Variants in LPP observed in about 807,000 individuals in gnomAD.
LPP encodes lipoma-preferred partner.
A neutral mutation model predicts 60.4 loss-of-function variants in LPP; 38 were observed. The observed-to-expected ratio is 0.63, with a 90% CI of 0.49 to 0.83. The LOEUF is 0.83. LPP is among the 40% of genes least tolerant of loss of function. The pLI, the probability that LPP is intolerant of heterozygous loss-of-function variation, is 0.00. For missense variants in LPP, 902 were observed against 783.6 expected, an observed-to-expected ratio of 1.15 and a Z score of -1.80; for synonymous variants, 328 against 290.8, an observed-to-expected ratio of 1.13 and a Z score of -1.30.
chr3:188,567,135 A>G (rs757943485), intron 6 of LPP, among the ~76,000 whole-genome samples: 6 of 151,930 alleles, frequency 3.9e-5, no homozygotes, highest in Non-Finnish European at 8.8e-5. Context: ...TGTATGATTT[A>G]GAGAAACAAA....
At chr3:188,681,230 G>A (rs565331605) in intron 7 of LPP, among the ~76,000 whole-genome samples, 12 of 152,198 alleles carry the variant, frequency 7.9e-5, no homozygotes, top group East Asian at 5.8e-4. Context: ...TCTTGACCTC[G>A]TGATCCACCC....
intron 6 of LPP, among the ~76,000 whole-genome samples, chr3:188,578,139 T>C (rs1399482180): frequency 2.6e-5 from 4 of 152,144 alleles, no homozygotes; most frequent in Admixed American, 1.3e-4. Flanking sequence ...CCTTGCCTAC[T>C]ACCCTGAAGA....
At chr3:188,857,270 T>C (rs1343435663) in intron 9 of LPP, among the ~76,000 whole-genome samples, 1 of 152,240 alleles carries the variant, frequency 6.6e-6, no homozygotes, top group Non-Finnish European at 1.5e-5. Context: ...ATCTGCATGC[T>C]AAAGATTATT....
At position 188,609,745 on chromosome 3, in the gene LPP, G is replaced by A. The variant is rs1293778043; in HGVS notation, c.1014G>A (p.Gly338=). The A allele has an allele frequency of 6.2e-7, 1 of 1,614,096 alleles. No individual in the cohort carries two copies. Among genetic ancestry groups the A allele is most frequent in the African/African-American group, 1.3e-5 (1 of 75,020 alleles). The change falls in exon 7 of 12, where the codon GGG becomes GGA. Residue 338 remains glycine, a synonymous_variant. Coordinates refer to ENST00000617246, the MANE Select transcript of LPP (RefSeq NM_001375462.1). The surrounding 1 kb of genome is among the most constrained non-coding windows in gnomAD (Gnocchi z 6.9). ...REPGYTPPGA[G]NQNPPGMYPV... is the part of the protein sequence containing the mutation. ...CAGGGTACACTCCTCCTGGAGCAGGGAACCAGAACCCTCCTGGGATGTATC... is the reference window on the plus strand; with the variant it reads ...CAGGGTACACTCCTCCTGGAGCAGGAAACCAGAACCCTCCTGGGATGTATC...
intron 2 of LPP, among the ~76,000 whole-genome samples, chr3:188,256,176 A>G (rs1731603781): frequency 6.6e-6 from 1 of 152,198 alleles, no homozygotes; most frequent in Non-Finnish European, 1.5e-5. Context: ...CTAATAATGT[A>G]TGGGTTAAAT....
chr3:188,435,503 T>C (rs932846898), intron 4 of LPP, among the ~76,000 whole-genome samples: 2 of 152,180 alleles, frequency 1.3e-5, no homozygotes, highest in Non-Finnish European at 1.5e-5. Context: ...TATAATTTGT[T>C]TCTCTGTTGG....
At chr3:188,375,751 T>C (rs1240428293) in intron 3 of LPP, among the ~76,000 whole-genome samples, 1 of 152,190 alleles carries the variant, frequency 6.6e-6, no homozygotes, top group Non-Finnish European at 1.5e-5. Flanking sequence ...CTGCTAGCTT[T>C]TGAATGTGTT....
chr3:188,866,177 G>T (rs200948867), intron 9 of LPP, 23 bp from the exon 10 acceptor site: 14 of 1,446,398 alleles, frequency 9.7e-6, no homozygotes, highest in Non-Finnish European at 1.1e-5. Context: ...CCAGTCTGAC[G>T]TGGTTTCTGT....
At position 188,572,184 on chromosome 3, in the gene LPP, TTTTGC is replaced by T. The variant is rs1260524485; in HGVS notation, c.430-36973_430-36969del. ...AATGCTTTCATTTGTTGCACTTATA[TTTTGC>T]TTTTTATGTATGTAGAGGGGTGACA... On this transcript the variant is annotated intron_variant, in intron 6 of 11. Transcript: ENST00000617246. The surrounding 1 kb of genome is among the most constrained non-coding windows in gnomAD (Gnocchi z 4.1). Among the ~76,000 whole-genome samples the T allele has an allele frequency of 2.6e-5, 4 of 152,090 alleles. No homozygotes were observed. In the East Asian group the frequency reaches 7.7e-4, roughly 29 times the overall value.
intron 9 of LPP, among the ~76,000 whole-genome samples, chr3:188,815,054 G>A (rs1374953271): frequency 2.0e-5 from 3 of 152,296 alleles, no homozygotes; most frequent in South Asian, 2.1e-4. Flanking sequence ...CACAATAAAA[G>A]CTTAATAAAT....
At chr3:188,668,495 AG>A (rs1856276478) in intron 7 of LPP, among the ~76,000 whole-genome samples, 1 of 152,192 alleles carries the variant, frequency 6.6e-6, no homozygotes, top group African/African-American at 2.4e-5. Context: ...CTTCCATACA[AG>A]TAATTTTTTA....
intron 6 of LPP, among the ~76,000 whole-genome samples, chr3:188,562,755 A>G (rs2150703760): frequency 6.6e-6 from 1 of 152,192 alleles, no homozygotes; most frequent in African/African-American, 2.4e-5. Flanking sequence ...AGTGTGTTTA[A>G]TGACAGCAGT....
At chr3:188,431,543 T>C (rs1201887513) in intron 4 of LPP, among the ~76,000 whole-genome samples, 1 of 152,064 alleles carries the variant, frequency 6.6e-6, no homozygotes, top group Admixed American at 6.6e-5. Flanking sequence ...ATCAAAAAGG[T>C]CTGCCAGAGT....
intron 6 of LPP, among the ~76,000 whole-genome samples, chr3:188,558,775 A>G (rs1199825567): frequency 6.6e-6 from 1 of 152,088 alleles, no homozygotes; most frequent in African/African-American, 2.4e-5. Context: ...GTGGAATAAA[A>G]CCACAGATTT....
chr3:188,627,460 G>A (rs1365943277), intron 7 of LPP, among the ~76,000 whole-genome samples: 1 of 152,014 alleles, frequency 6.6e-6, no homozygotes, highest in South Asian at 2.1e-4. Flanking sequence ...GCTCTATCAA[G>A]CAAATGGAAA....
intron 4 of LPP, among the ~76,000 whole-genome samples, chr3:188,422,096 C>T (rs1452433949): frequency 6.6e-6 from 1 of 152,144 alleles, no homozygotes; most frequent in South Asian, 2.1e-4. Context: ...TTGCTCTGGC[C>T]TTGACCAATG....
At position 188,330,855 on chromosome 3, in the gene LPP, GTAAGTAAATAAA is replaced by G. The variant is rs1304198225; in HGVS notation, c.-66-10804_-66-10793del. ...AGTCAGTCAGTAAGTAAGTAAGTAAGTAAGTAAATAAATAAATAAATAAATAAATAAATAAAT... is the reference window on the plus strand; with the variant it reads ...AGTCAGTCAGTAAGTAAGTAAGTAAGTAAATAAATAAATAAATAAATAAAT... On this transcript the variant is annotated intron_variant, in intron 2 of 11. Coordinates refer to ENST00000617246, the MANE Select transcript of LPP (RefSeq NM_001375462.1). Among the ~76,000 whole-genome samples the G allele has an allele frequency of 3.4e-5, 4 of 117,272 alleles. No homozygotes were observed. The South Asian group carries it at 8.7e-4, about 26-fold the overall frequency. The allele number at this position is 117,272 out of a possible 152,430, so 76.9% of individuals were successfully genotyped here.
chr3:188,374,918 CGTT>C (rs990241848), intron 3 of LPP, among the ~76,000 whole-genome samples: 45 of 151,644 alleles, frequency 3.0e-4, no homozygotes, highest in Non-Finnish European at 5.6e-4. Context: ...TAGCATGAAG[CGTT>C]GTTGAATTTT....
At chr3:188,427,098 G>T (rs1578809838) in intron 4 of LPP, among the ~76,000 whole-genome samples, 1 of 152,078 alleles carries the variant, frequency 6.6e-6, no homozygotes, top group African/African-American at 2.4e-5. Flanking sequence ...TGTACTAGTT[G>T]TTCCTCCATG....
Sources: allele counts gnomAD v4.1 joint callset (sites outside exome capture counted in the v4.1 genomes callset), GRCh38; gene constraint gnomAD v4.1.1; non-coding constraint Gnocchi (gnomAD v3.1); transcripts MANE v1.5; gene names NCBI Gene and HGNC (gene_info 2026-07-23, HGNC 2026-07-21).